LIMK1: variants seen among roughly 807,000 people sequenced by gnomAD.
The protein encoded by LIMK1 is LIM domain kinase 1, also known as LIM motif-containing protein kinase.
In LIMK1, 21 loss-of-function variants were observed where a neutral mutation model predicts 77.6. That is an observed-to-expected ratio of 0.27 (90% CI 0.19 to 0.39). The LOEUF (loss-of-function observed/expected upper bound fraction) is 0.39, where lower values mean the gene tolerates loss of function less well. Among genes scored for constraint, LIMK1 ranks in the 10% least tolerant of loss-of-function variants. LIMK1 has a pLI of 1.00. For synonymous variants in LIMK1, 358 were observed against 370.0 expected, an observed-to-expected ratio of 0.97 and a Z score of 0.37; for missense variants, 696 against 901.6, an observed-to-expected ratio of 0.77 and a Z score of 2.92.
At chr7:74,088,027 A>G (rs1291119973) in intron 2 of LIMK1, among the ~76,000 whole-genome samples, 3 of 152,128 alleles carry the variant, frequency 2.0e-5, no homozygotes, top group African/African-American at 7.2e-5. Context: ...CTTCTGACTC[A>G]GCCTCCCAAA....
At chr7:74,118,523 A>C (rs909955344) in intron 13 of LIMK1, among the ~76,000 whole-genome samples, 3 of 151,792 alleles carry the variant, frequency 2.0e-5, no homozygotes, top group African/African-American at 7.3e-5. Context: ...AGGCCGAGGC[A>C]GGTGGATCAT....
intron 2 of LIMK1, among the ~76,000 whole-genome samples, chr7:74,096,276 C>T (rs529708592): frequency 1.3e-3 from 195 of 151,492 alleles, no homozygotes; most frequent in Non-Finnish European, 2.1e-3. Context: ...CCGAGGTGGG[C>T]GGATCACGAG....
chr7:74,117,133 G>A lies in LIMK1; in HGVS notation c.1567+1175G>A, dbSNP rs547003370. ...CCTGACCTCGTGATCCGCCCGTCTC[G>A]GCCTCCCAAAGTGCTGGGATTACAG... On this transcript the variant is annotated intron_variant, in intron 13 of 15. Coordinates refer to ENST00000336180, the MANE Select transcript of LIMK1 (RefSeq NM_002314.4). Among the ~76,000 whole-genome samples the A allele has an allele frequency of 9.8e-4, 149 of 152,104 alleles. 2 individuals carry two copies. Among genetic ancestry groups the A allele is most frequent in the Non-Finnish European group, 1.3e-4 (9 of 67,998 alleles).
chr7:74,096,605 C>G lies in LIMK1; in HGVS notation c.153-17C>G. 3.1e-6 allele frequency: 5 copies of G among 1,613,866 alleles called. No homozygotes were observed. The highest frequency in any genetic ancestry group is 4.2e-6 in the Non-Finnish European group (5 of 1,180,004). On this transcript the variant is annotated splice_polypyrimidine_tract_variant and intron_variant, in intron 2 of 15. Transcript: ENST00000336180. ...GAGGGCGGGAGTGGACGTCTCAGCC[C>G]GGCCCCTCTCCTGCAGGTGTTGTGA...
chr7:74,094,117 T>C (rs953515787), intron 2 of LIMK1: 2 of 152,402 alleles, frequency 1.3e-5, no homozygotes, highest in Non-Finnish European at 2.9e-5. Context: ...CAGGAATCAC[T>C]TATGCTCTCT....
At chr7:74,099,334 C>T (rs1204849656) in intron 5 of LIMK1, 96 bp downstream of exon 5, 38 of 1,250,808 alleles carry the variant, frequency 3.0e-5, no homozygotes, top group Non-Finnish European at 3.8e-5. Context: ...AATGAATGGG[C>T]GAGTGTTTGG....
intron 8 of LIMK1, 31 bp downstream of exon 8, chr7:74,107,224 G>T (rs1799595734): frequency 1.9e-6 from 3 of 1,572,074 alleles, no homozygotes; most frequent in African/African-American, 2.7e-5. Context: ...TCAGGGGACA[G>T]TCTGGGTGGG....
intron 2 of LIMK1, among the ~76,000 whole-genome samples, chr7:74,089,564 C>T (rs924494141): frequency 1.3e-5 from 2 of 152,022 alleles, no homozygotes; most frequent in African/African-American, 4.8e-5. Flanking sequence ...TGGGCACTGG[C>T]GAATGGCAGG....
intron 9 of LIMK1, among the ~76,000 whole-genome samples, 196 bp from the exon 10 acceptor site, chr7:74,108,709 C>T (rs1799633713): frequency 2.0e-5 from 3 of 150,894 alleles, no homozygotes. Flanking sequence ...GGAAAAAGAG[C>T]ATCGCTGGGG....
At chr7:74,092,763 A>G (rs1250677481) in intron 2 of LIMK1, among the ~76,000 whole-genome samples, 2 of 152,140 alleles carry the variant, frequency 1.3e-5, no homozygotes, top group Admixed American at 1.3e-4. Flanking sequence ...CAGCGGCGGG[A>G]TGCAACCTCC....
intron 2 of LIMK1, among the ~76,000 whole-genome samples, chr7:74,090,501 G>A (rs1554694626): frequency 6.6e-6 from 1 of 152,166 alleles, no homozygotes; most frequent in African/African-American, 2.4e-5. Flanking sequence ...GCGTGACAGT[G>A]AGCAGAGCAG....
At chr7:74,109,285 A>C in intron 10 of LIMK1, 1 of 455,944 alleles carries the variant, frequency 2.2e-6, no homozygotes, top group Non-Finnish European at 4.1e-6. Context: ...ACTCGAGGCC[A>C]GGAATTCAAG....
In LIMK1 at chr7:74,105,896, C is replaced by T. The variant is rs1799560956; in HGVS notation, c.630C>T (p.Ser210=). 6.2e-7 allele frequency: 1 copy of T among 1,613,672 alleles called. No individual in the cohort carries two copies. The highest frequency in any genetic ancestry group is 8.5e-7 in the Non-Finnish European group (1 of 1,179,964). Residue 210 remains serine, a synonymous_variant, in exon 6 of 16, where the codon AGC becomes AGT. Transcript: ENST00000336180. ...RVQGVDPGCM[S]PDVKNSIHVG... ...ACAGAGTGGATCCGGGCTGCATGAG[C>T]CCAGATGTGAAGAATTCCATCCACG...
chr7:74,107,969 G>T lies in LIMK1; in HGVS notation c.1152+12G>T. ...CGTTCCTCAAGGAGGTCAGTGAGCG[G>T]AATGCCCTCTTCCCTCCAGAGGGAC... On this transcript the variant is annotated intron_variant, in intron 9 of 15. Transcript: ENST00000336180. 6.4e-7 allele frequency: 1 copy of T among 1,550,430 alleles called. No individual in the cohort carries two copies. The highest frequency in any genetic ancestry group is 8.7e-7 in the Non-Finnish European group (1 of 1,144,238).
chr7:74,114,690 C>CAGGT, intron 12 of LIMK1, among the ~76,000 whole-genome samples: 1 of 149,688 alleles, frequency 6.7e-6, no homozygotes, highest in Non-Finnish European at 1.5e-5. Context: ...CCGACGTGGG[C>CAGGT]GGATCACGAG....
At position 74,083,936 on chromosome 7, in the gene LIMK1, C is replaced by T. The variant is rs1215524186; in HGVS notation, c.-55C>T. ...GGGCCGGCGGCGGTGGGCGAGCTCG[C>T]GGGCCCGGCCGCCCCCAGCCCCAGC... On this transcript the variant is annotated 5_prime_UTR_variant, in exon 1 of 16. Coordinates refer to ENST00000336180, the MANE Select transcript of LIMK1 (RefSeq NM_002314.4). 11 of 565,810 alleles carry T rather than the reference C, an allele frequency of 1.9e-5. No individual in the cohort carries two copies. In the East Asian group the frequency reaches 7.0e-4, roughly 36 times the overall value. The allele number at this position is 565,810 out of a possible 1,614,324, so 35.0% of individuals were successfully genotyped here.
At chr7:74,105,823 T>C in intron 5 of LIMK1, 52 bp from the exon 6 acceptor site, 2 of 1,385,514 alleles carry the variant, frequency 1.4e-6, no homozygotes, top group Non-Finnish European at 2.0e-6. Flanking sequence ...GGTTTCCTGT[T>C]GGGGCTCTGA....
intron 2 of LIMK1, chr7:74,093,446 A>C (rs1799277505): frequency 2.0e-6 from 2 of 998,826 alleles, no homozygotes; most frequent in African/African-American, 1.6e-5. Flanking sequence ...GCCTGGGAGC[A>C]GGCCACTGCC....
At chr7:74,108,654 A>C (rs1799631999) in intron 9 of LIMK1, among the ~76,000 whole-genome samples, 1 of 151,462 alleles carries the variant, frequency 6.6e-6, no homozygotes, top group Admixed American at 6.6e-5. Context: ...TCTCAAAAAA[A>C]AAAAAAAGAA....
Sources: allele counts gnomAD v4.1 joint callset (sites outside exome capture counted in the v4.1 genomes callset), GRCh38; gene constraint gnomAD v4.1.1; transcripts MANE v1.5; gene names NCBI Gene and HGNC (gene_info 2026-07-23, HGNC 2026-07-21).